The following TEAD1 variants were observed in gnomAD, a reference collection of about 807,000 sequenced individuals.
TEAD1 encodes the protein transcriptional enhancer factor TEF-1.
A neutral mutation model predicts 54.9 loss-of-function variants in TEAD1; 9 were observed. The ratio of observed to expected loss-of-function variants is 0.16; its 90% CI spans 0.10 to 0.29. The LOEUF (loss-of-function observed/expected upper bound fraction) is 0.29. TEAD1 is among the 10% of genes least tolerant of loss of function. The probability of loss-of-function intolerance (pLI) is 1.00; values close to 1 mark genes in which losing one functional copy is unlikely to be tolerated. For missense variants in TEAD1, 387 were observed against 535.9 expected, an observed-to-expected ratio of 0.72 and a Z score of 2.74; for synonymous variants, 200 against 187.8, an observed-to-expected ratio of 1.07 and a Z score of -0.53.
chr11:12,913,654 A>C (rs1034382015), intron 10 of TEAD1, among the ~76,000 whole-genome samples: 3 of 152,172 alleles, frequency 2.0e-5, no homozygotes, highest in Non-Finnish European at 2.9e-5. Flanking sequence ...GCCCAGTTAA[A>C]TTTGCATTTC....
intron 3 of TEAD1, among the ~76,000 whole-genome samples, chr11:12,859,913 A>T (rs1278331665): frequency 6.6e-6 from 1 of 152,206 alleles, no homozygotes. Flanking sequence ...CTCCTTAAAA[A>T]TTTAATGCAG....
chr11:12,793,673 C>T (rs1053268145), intron 3 of TEAD1, among the ~76,000 whole-genome samples: 3 of 152,190 alleles, frequency 2.0e-5, no homozygotes, highest in African/African-American at 7.2e-5. Context: ...AGATAACCCA[C>T]TGACATGGTG....
intron 3 of TEAD1, among the ~76,000 whole-genome samples, chr11:12,846,733 T>TA (rs1336883077): frequency 1.3e-5 from 2 of 152,340 alleles, no homozygotes; most frequent in Admixed American, 1.3e-4. Flanking sequence ...TGCTGAATGT[T>TA]ATGCTCTCTG....
intron 2 of TEAD1, among the ~76,000 whole-genome samples, chr11:12,751,137 C>CA (rs940103153): frequency 2.0e-5 from 3 of 151,698 alleles, no homozygotes; most frequent in Non-Finnish European, 2.9e-5. Flanking sequence ...ATAGTGAGGC[C>CA]AAAAAACCGA....
At chr11:12,683,160 A>G (rs1943259155) in intron 2 of TEAD1, among the ~76,000 whole-genome samples, 1 of 152,236 alleles carries the variant, frequency 6.6e-6, no homozygotes, top group Non-Finnish European at 1.5e-5. Context: ...ATGTAGGCAT[A>G]AGATTGATAG....
At chr11:12,750,576 C>T (rs1017407011) in intron 2 of TEAD1, among the ~76,000 whole-genome samples, 3 of 152,146 alleles carry the variant, frequency 2.0e-5, no homozygotes, top group Non-Finnish European at 2.9e-5. Context: ...GACACACACA[C>T]GTACACCTTC....
At chr11:12,866,795 A>G (rs572882709) in intron 5 of TEAD1, among the ~76,000 whole-genome samples, 4 of 152,284 alleles carry the variant, frequency 2.6e-5, no homozygotes, top group South Asian at 2.1e-4. Flanking sequence ...TCCATCTGCT[A>G]ATACCAACTG....
At chr11:12,795,463 G>A (rs1945895976) in intron 3 of TEAD1, among the ~76,000 whole-genome samples, 1 of 152,182 alleles carries the variant, frequency 6.6e-6, no homozygotes. Context: ...CATGGGTGCA[G>A]GTTTAAAGAG....
At chr11:12,859,270 G>T (rs1485163253) in intron 3 of TEAD1, among the ~76,000 whole-genome samples, 8 of 150,158 alleles carry the variant, frequency 5.3e-5, no homozygotes, top group African/African-American at 2.0e-4. Flanking sequence ...ATCTATCAAG[G>T]TATTCTGTCT....
chr11:12,927,137 G>A (rs927809938), intron 11 of TEAD1, among the ~76,000 whole-genome samples: 1 of 152,216 alleles, frequency 6.6e-6, no homozygotes, highest in Non-Finnish European at 1.5e-5. Flanking sequence ...GGTTGCTCTT[G>A]ACTGATAAAA....
chr11:12,750,717 C>A (rs1201294509), intron 2 of TEAD1, among the ~76,000 whole-genome samples: 1 of 152,282 alleles, frequency 6.6e-6, no homozygotes, highest in East Asian at 1.9e-4. Context: ...CTGCTCTAGC[C>A]TTTCTACTTT....
At chr11:12,866,737 C>T (rs1397923504) in intron 5 of TEAD1, among the ~76,000 whole-genome samples, 1 of 152,178 alleles carries the variant, frequency 6.6e-6, no homozygotes, top group East Asian at 1.9e-4. Flanking sequence ...TAGTTTCTTC[C>T]GTTCTTTCCT....
intron 2 of TEAD1, among the ~76,000 whole-genome samples, chr11:12,686,717 TAGATAAGCC>T (rs948778614): frequency 1.2e-4 from 19 of 152,274 alleles, no homozygotes; most frequent in Admixed American, 5.2e-4. Flanking sequence ...TGCACCTAAA[TAGATAAGCC>T]AGAGAACATT....
intron 3 of TEAD1, among the ~76,000 whole-genome samples, chr11:12,799,423 A>G (rs1946905): frequency 0.034 from 5,190 of 152,122 alleles, 318 homozygotes; most frequent in African/African-American, 0.12. Context: ...TATGGCTTTT[A>G]TTTCTATAAA....
intron 3 of TEAD1, among the ~76,000 whole-genome samples, chr11:12,842,867 C>T (rs991529084): frequency 1.2e-4 from 19 of 152,118 alleles, no homozygotes; most frequent in Non-Finnish European, 2.6e-4. Context: ...CCTTTTCTAA[C>T]TTTTAAAATT....
intron 10 of TEAD1, among the ~76,000 whole-genome samples, chr11:12,911,376 AGT>A (rs1948614905): frequency 6.6e-6 from 1 of 152,154 alleles, no homozygotes; most frequent in Non-Finnish European, 1.5e-5. Flanking sequence ...TGTAGACCTG[AGT>A]CTGTCATTTG....
intron 3 of TEAD1, among the ~76,000 whole-genome samples, chr11:12,776,776 T>TTAC (rs1392141758): frequency 4.3e-4 from 55 of 126,532 alleles, no homozygotes; most frequent in Non-Finnish European, 7.3e-4. Context: ...ATTATTATTA[T>TTAC]TATTATTATT....
chr11:12,828,206 G>A (rs1946695708), intron 3 of TEAD1: 1 of 152,216 alleles, frequency 6.6e-6, no homozygotes. Flanking sequence ...TCTTCCTGGT[G>A]GAGACTTGAT....
At chr11:12,896,370 C>T (rs1216816180) in intron 9 of TEAD1, among the ~76,000 whole-genome samples, 1 of 152,222 alleles carries the variant, frequency 6.6e-6, no homozygotes, top group East Asian at 1.9e-4. Flanking sequence ...TAGGCCCCAT[C>T]TCTTTTTAAA....
Sources: allele counts gnomAD v4.1 joint callset (sites outside exome capture counted in the v4.1 genomes callset), GRCh38; gene constraint gnomAD v4.1.1; transcripts MANE v1.5; gene names NCBI Gene and HGNC (gene_info 2026-07-23, HGNC 2026-07-21).